Variants in TECTA observed in about 807,000 individuals in gnomAD.
TECTA encodes tectorin alpha, also known as alpha-tectorin.
A neutral mutation model predicts 216.8 loss-of-function variants in TECTA; 128 were observed. The ratio of observed to expected loss-of-function variants is 0.59; its 90% CI spans 0.51 to 0.68. The LOEUF (loss-of-function observed/expected upper bound fraction) is 0.68. TECTA is among the 30% of genes least tolerant of loss of function. The pLI is 0.00. For synonymous variants in TECTA, 1,089 were observed against 1,117.1 expected (o/e 0.97, Z 0.50); for missense variants, 2,551 against 2,786.2 (o/e 0.92, Z 1.90).
intron 17 of TECTA, among the ~76,000 whole-genome samples, chr11:121,165,647 T>C (rs997685490): frequency 2.0e-5 from 3 of 152,218 alleles, no homozygotes; most frequent in East Asian, 3.8e-4. Context: ...AAGGTCCAAA[T>C]TGATCTTTTA....
chr11:121,133,857 C>G (rs745585584), intron 10 of TECTA, among the ~76,000 whole-genome samples: 18 of 152,300 alleles, frequency 1.2e-4, no homozygotes, highest in Admixed American at 2.6e-4. Flanking sequence ...TGAGCTTTCC[C>G]TTGCAACTAA....
intron 19 of TECTA, 41 bp from the exon 20 acceptor site, chr11:121,168,629 TAGGTAAC>T: frequency 1.2e-6 from 2 of 1,613,942 alleles, no homozygotes; most frequent in East Asian, 4.5e-5. Flanking sequence ...GGTAATTGAA[TAGGTAAC>T]ATTGTTTTGG....
At chr11:121,146,198 A>G in intron 12 of TECTA, 82 bp downstream of exon 12, 1 of 1,530,754 alleles carries the variant, frequency 6.5e-7, no homozygotes, top group Non-Finnish European at 8.9e-7. Flanking sequence ...AACTCCCTAG[A>G]AGTCAGAGCA....
chr11:121,114,000 C>G lies in TECTA; in HGVS notation c.790+282C>G, dbSNP rs1457523442. On this transcript the variant is annotated intron_variant, in intron 6 of 23. Transcript: ENST00000392793. This position sits in a 1 kb window ranked among gnomAD's most constrained non-coding sequence, Gnocchi z 4.2. ...AATGGACCAAGATCTTGAGTGATTTCTGAGCCAGAGGGACAGAAGGCAGCC... is the reference window on the plus strand; with the variant it reads ...AATGGACCAAGATCTTGAGTGATTTGTGAGCCAGAGGGACAGAAGGCAGCC... Among the ~76,000 whole-genome samples, 1 of 152,186 alleles carries G rather than the reference C, an allele frequency of 6.6e-6. No homozygotes were observed. The highest frequency in any genetic ancestry group is 2.4e-5 in the African/African-American group (1 of 41,442).
chr11:121,107,901 G>A (rs975244946), intron 3 of TECTA, among the ~76,000 whole-genome samples: 1 of 152,118 alleles, frequency 6.6e-6, no homozygotes, highest in Admixed American at 6.5e-5. Flanking sequence ...TTTATGCAGC[G>A]ATTGTACCAG....
rs1013362348 is a variant in TECTA, at chr11:121,186,062, A to G, written c.6000-1770A>G. ...GAAAGCAGATGTTCAGTGCTTAATG[A>G]ATGAGTAGGGAAAGCAGATGTTCAA... On this transcript the variant is annotated intron_variant, in intron 20 of 23. Coordinates refer to ENST00000392793, the MANE Select transcript of TECTA (RefSeq NM_005422.4). Among the ~76,000 whole-genome samples, 10 of 108,834 alleles carry G rather than the reference A, an allele frequency of 9.2e-5. 1 individual carries two copies. Among genetic ancestry groups the G allele is most frequent in the African/African-American group, 4.0e-4 (8 of 19,974 alleles). 71.4% of individuals were successfully genotyped at this position (108,834 alleles called of 152,430 possible).
chr11:121,177,723 AT>A (rs1947182820), intron 20 of TECTA, among the ~76,000 whole-genome samples: 1 of 152,236 alleles, frequency 6.6e-6, no homozygotes, highest in Admixed American at 6.5e-5. Flanking sequence ...AGACAGGGAC[AT>A]TTAAGTCTGC....
chr11:121,140,753 A>G (rs1208818055), intron 11 of TECTA, among the ~76,000 whole-genome samples: 2 of 151,854 alleles, frequency 1.3e-5, no homozygotes, highest in East Asian at 3.9e-4. Flanking sequence ...CCGCCTTTAC[A>G]TGGCCTCTTT....
At chr11:121,149,846 A>G (rs1488469512) in intron 12 of TECTA, among the ~76,000 whole-genome samples, 1 of 152,256 alleles carries the variant, frequency 6.6e-6, no homozygotes, top group Non-Finnish European at 1.5e-5. Flanking sequence ...GGGAGCGAGA[A>G]GCAGCGGATC....
Position 121,158,079 on chromosome 11 carries a change from C to T in TECTA, c.4544C>T (p.Thr1515Ile), listed in dbSNP as rs905085529. 1.2e-6 allele frequency: 2 copies of T among 1,613,964 alleles called. No individual in the cohort carries two copies. Among genetic ancestry groups the T allele is most frequent in the Admixed American group, 3.3e-5 (2 of 60,016 alleles). The change falls in exon 14 of 24, where the codon ACC becomes ATC. Residue 1515 changes from threonine (T) to isoleucine (I), a missense_variant. This residue lies in a region of TECTA where 2,375 missense variants were observed against 2,563.9 expected (regional missense o/e 0.93). Transcript: ENST00000392793. ...GCCAACTGCGCCTTCGTGCTGTCCACCATCTGCCAGAAACTGCCCGACATC... is the reference window on the plus strand; with the variant it reads ...GCCAACTGCGCCTTCGTGCTGTCCATCATCTGCCAGAAACTGCCCGACATC... ...FPANCAFVLS[T>I]ICQKLPDISF...
At chr11:121,155,688 G>T (rs1946933972) in intron 13 of TECTA, among the ~76,000 whole-genome samples, 1 of 152,162 alleles carries the variant, frequency 6.6e-6, no homozygotes, top group Non-Finnish European at 1.5e-5. Flanking sequence ...GCTATTGAAA[G>T]ATCTTTTCTG....
chr11:121,189,772 T>C lies in TECTA; in HGVS notation c.6259T>C (p.Trp2087Arg). 1 of 1,614,008 alleles carries C rather than the reference T, an allele frequency of 6.2e-7. No individual in the cohort carries two copies. The highest frequency in any genetic ancestry group is 2.2e-5 in the East Asian group (1 of 44,876). The stretch of plus-strand genomic sequence containing the variant: ...TAACTGCTCTTTTGTAGGGCTGGAC[T>C]GGTGTGAGGACAATGGAGGGTGTGA... ...VGPIRRKRLD[W>R]CEDNGGCEQI... Residue 2087 changes from tryptophan to arginine, a missense_variant, in exon 23 of 24, where the codon TGG (tryptophan) becomes CGG (arginine). Physicochemically the swap from Trp to Arg is moderately radical, Grantham distance 101. This residue lies in a region of TECTA where 118 missense variants were observed against 116.4 expected (regional missense o/e 1.01). Transcript: ENST00000392793.
In TECTA at chr11:121,118,418, C is replaced by G. The variant is rs1946521490; in HGVS notation, c.903C>G (p.Pro301=). ...ACTGCCAGGAGGCTTCCTGTAGCCC[C>G]TACGAGGTGTGCGAACCCAAAGGCA... ...EIYCQEASCS[P]YEVCEPKGKF... The change falls in exon 7 of 24, where the codon CCC becomes CCG. Residue 301 remains proline, a synonymous_variant. Coordinates refer to ENST00000392793, the MANE Select transcript of TECTA (RefSeq NM_005422.4). 3 of 1,614,180 alleles carry G rather than the reference C, an allele frequency of 1.9e-6. No homozygotes were observed. The highest frequency in any genetic ancestry group is 1.7e-5 in the Admixed American group (1 of 60,026).
rs1202323410 is a variant in TECTA, at chr11:121,118,421, C to T, written c.906C>T (p.Tyr302=). The change falls in exon 7 of 24, where the codon TAC becomes TAT. Residue 302 remains tyrosine (Y), a synonymous_variant. Coordinates refer to ENST00000392793, the MANE Select transcript of TECTA (RefSeq NM_005422.4). ...IYCQEASCSP[Y]EVCEPKGKFF... ...GCCAGGAGGCTTCCTGTAGCCCCTA[C>T]GAGGTGTGCGAACCCAAAGGCAAAT... is the stretch of plus-strand genomic sequence containing the variant. The T allele has an allele frequency of 5.0e-6, 8 of 1,614,056 alleles. No individual in the cohort carries two copies. The Admixed American group carries it at 5.0e-5, about 10-fold the overall frequency.
intron 12 of TECTA, chr11:121,146,360 A>T: frequency 1.8e-6 from 1 of 566,918 alleles, no homozygotes; most frequent in South Asian, 2.0e-5. Flanking sequence ...ATGAAATAAG[A>T]TCATGCATAT....
intron 13 of TECTA, among the ~76,000 whole-genome samples, chr11:121,156,751 T>C (rs144235609): frequency 2.3e-4 from 35 of 152,166 alleles, no homozygotes; most frequent in African/African-American, 8.0e-4. Context: ...CACCTCAACC[T>C]CCCAAAGTGC....
chr11:121,158,690 C>T lies in TECTA; in HGVS notation c.4689+466C>T, dbSNP rs577386943. On this transcript the variant is annotated intron_variant, in intron 14 of 23. Transcript: ENST00000392793. The stretch of plus-strand genomic sequence containing the variant: ...TAAAAAACACCAATCTGAGTAAAAA[C>T]CTGACTCACACCCCCATTATCCGAG... 2.6e-5 allele frequency among the ~76,000 whole-genome samples: 4 copies of T among 152,120 alleles called. No homozygotes were observed. In the South Asian group the frequency reaches 8.3e-4, roughly 32 times the overall value.
chr11:121,159,626 T>G (rs1946978468), intron 14 of TECTA, among the ~76,000 whole-genome samples: 1 of 152,164 alleles, frequency 6.6e-6, no homozygotes, highest in Non-Finnish European at 1.5e-5. Flanking sequence ...AGTTTGAACA[T>G]TATAAGCAAG....
intron 7 of TECTA, among the ~76,000 whole-genome samples, chr11:121,121,632 C>T (rs1380819501): frequency 1.3e-5 from 2 of 152,154 alleles, no homozygotes; most frequent in East Asian, 3.9e-4. Context: ...CACAGTCACC[C>T]AGGTGTCAGG....
Sources: gnomAD v4.1 joint callset for allele counts (sites outside exome capture counted in the v4.1 genomes callset) on GRCh38, gnomAD v4.1.1 for gene constraint, gnomAD v4.1.1 regional missense constraint, Gnocchi (gnomAD v3.1) non-coding constraint, MANE v1.5 for transcripts, NCBI Gene and HGNC (gene_info 2026-07-23, HGNC 2026-07-21) for gene names.